Variants in CSMD1 observed in about 807,000 individuals in gnomAD.
The protein encoded by CSMD1 is CUB and Sushi multiple domains 1, also known as CUB and sushi domain-containing protein 1.
A neutral mutation model predicts 417.5 loss-of-function variants in CSMD1; 213 were observed. That is an observed-to-expected ratio of 0.51 (90% CI 0.46 to 0.57). The LOEUF (loss-of-function observed/expected upper bound fraction) is 0.57. Ranked by LOEUF, CSMD1 falls within the 20% of genes least tolerant of loss-of-function variation. The pLI, the probability that CSMD1 is intolerant of heterozygous loss-of-function variation, is 0.00. For missense variants in CSMD1, 6,923 were observed against 4,529.7 expected, an observed-to-expected ratio of 1.53 and a Z score of -15.17; for synonymous variants, 2,862 against 1,736.8, an observed-to-expected ratio of 1.65 and a Z score of -16.11.
chr8:4,830,565 A>G (rs140646291), intron 1 of CSMD1, among the ~76,000 whole-genome samples: 1 of 152,334 alleles, frequency 6.6e-6, no homozygotes, highest in East Asian at 1.9e-4. Context: ...AGACATCATA[A>G]GCCATTACAA....
intron 1 of CSMD1, among the ~76,000 whole-genome samples, chr8:4,670,151 C>G (rs1176410349): frequency 6.6e-6 from 1 of 152,172 alleles, no homozygotes; most frequent in Non-Finnish European, 1.5e-5. Flanking sequence ...AGTTTTTCAT[C>G]TCCTACACTC....
At chr8:4,967,696 T>C (rs1251584122) in intron 1 of CSMD1, among the ~76,000 whole-genome samples, 2 of 152,200 alleles carry the variant, frequency 1.3e-5, no homozygotes, top group Admixed American at 6.5e-5. Context: ...CTTCCTCAAA[T>C]GTTAATAAGT....
chr8:3,610,651 A>C (rs1427275785), intron 8 of CSMD1, among the ~76,000 whole-genome samples: 1 of 152,172 alleles, frequency 6.6e-6, no homozygotes, highest in Non-Finnish European at 1.5e-5. Context: ...AATTCAACTC[A>C]ATTTTTCTTG....
chr8:3,920,388 G>A (rs1393088216), intron 5 of CSMD1, among the ~76,000 whole-genome samples: 1 of 151,590 alleles, frequency 6.6e-6, no homozygotes, highest in African/African-American at 2.4e-5. Context: ...TGTGTGTGTG[G>A]ACACTGTAGG....
intron 7 of CSMD1, among the ~76,000 whole-genome samples, chr8:3,705,381 G>T (rs950113399): frequency 6.6e-5 from 10 of 152,182 alleles, no homozygotes; most frequent in African/African-American, 2.4e-4. Context: ...CCCACGGGCA[G>T]AATACAGGAG....
intron 11 of CSMD1, among the ~76,000 whole-genome samples, chr8:3,475,912 A>G (rs1401996411): frequency 1.3e-5 from 2 of 152,336 alleles, no homozygotes; most frequent in South Asian, 2.1e-4. Flanking sequence ...AATGACAACC[A>G]TAAGATACAG....
intron 5 of CSMD1, among the ~76,000 whole-genome samples, chr8:3,843,900 T>C (rs963370930): frequency 1.3e-5 from 2 of 152,156 alleles, no homozygotes; most frequent in Non-Finnish European, 2.9e-5. Flanking sequence ...TAACGTAATT[T>C]ACACCCAGCA....
At chr8:3,658,522 C>T (rs898942449) in intron 7 of CSMD1, among the ~76,000 whole-genome samples, 3 of 149,318 alleles carry the variant, frequency 2.0e-5, no homozygotes, top group Non-Finnish European at 4.4e-5. Flanking sequence ...GTGTCTCATG[C>T]CTGTAATCCC....
intron 41 of CSMD1, among the ~76,000 whole-genome samples, chr8:3,139,891 T>G (rs1004399710): frequency 2.1e-5 from 3 of 145,858 alleles, no homozygotes; most frequent in African/African-American, 7.4e-5. Flanking sequence ...CTTTCTTTTT[T>G]CTTTTCTTTC....
chr8:4,223,787 A>G (rs1801185889), intron 3 of CSMD1, among the ~76,000 whole-genome samples: 1 of 152,238 alleles, frequency 6.6e-6, no homozygotes, highest in Admixed American at 6.5e-5. Context: ...ATGCAAATTA[A>G]AAAGCCCCTT....
intron 1 of CSMD1, among the ~76,000 whole-genome samples, chr8:4,672,213 GCT>G (rs1487173021): frequency 6.6e-6 from 1 of 152,178 alleles, no homozygotes; most frequent in Non-Finnish European, 1.5e-5. Flanking sequence ...GACAATGGCA[GCT>G]GCAGAGAAGG....
At position 3,649,008 on chromosome 8, in the gene CSMD1, G is replaced by C. The variant is rs117608703; in HGVS notation, c.1010-32211C>G. On this transcript the variant is annotated intron_variant, in intron 7 of 69. Coordinates refer to ENST00000635120, the MANE Select transcript of CSMD1 (RefSeq NM_033225.6). ...ATTCTCTTTGCGTCCAGCTTTTAAG[G>C]TATGTACTGTCCAAGGTCACAGAGT... is the stretch of plus-strand genomic sequence containing the variant. Among the ~76,000 whole-genome samples, 342 of 152,202 alleles carry C rather than the reference G, an allele frequency of 2.2e-3. 2 individuals carry two copies. The East Asian group carries it at 0.051, about 23-fold the overall frequency.
At chr8:4,619,181 G>A (rs183366370) in intron 2 of CSMD1, among the ~76,000 whole-genome samples, 25 of 152,168 alleles carry the variant, frequency 1.6e-4, no homozygotes, top group Admixed American at 5.9e-4. Context: ...TTTTAAGGGT[G>A]GTGGGCAGAA....
rs1195539567 is a variant in CSMD1 at position 3,114,729 on chromosome 8, A to G, written c.6430+3670T>C. 4.6e-5 allele frequency among the ~76,000 whole-genome samples: 7 copies of G among 152,120 alleles called. 1 individual carries two copies. Among genetic ancestry groups the G allele is most frequent in the Admixed American group, 3.3e-4 (5 of 15,274 alleles). ...TTCTTTATAGTTATTTTTATTCTCT[A>G]TTATTGGGAAAGATTATTTTCTGTA... On this transcript the variant is annotated intron_variant, in intron 42 of 69. Coordinates refer to ENST00000635120, the MANE Select transcript of CSMD1 (RefSeq NM_033225.6).
chr8:4,877,774 AG>A (rs1436271792), intron 1 of CSMD1, among the ~76,000 whole-genome samples: 1 of 152,134 alleles, frequency 6.6e-6, no homozygotes, highest in Non-Finnish European at 1.5e-5. Flanking sequence ...GCCTGTAAAA[AG>A]TACAGTCCTA....
chr8:4,775,209 G>A (rs996819424), intron 1 of CSMD1, among the ~76,000 whole-genome samples: 5 of 152,058 alleles, frequency 3.3e-5, no homozygotes, highest in South Asian at 2.1e-4. Context: ...TTTTCTGATT[G>A]TAGGACATAT....
intron 3 of CSMD1, among the ~76,000 whole-genome samples, chr8:4,400,213 C>T (rs1236792913): frequency 6.6e-6 from 1 of 152,144 alleles, no homozygotes; most frequent in African/African-American, 2.4e-5. Flanking sequence ...TTGAAGCAAG[C>T]TTGGAAGTTG....
chr8:3,265,030 T>A (rs982933317), intron 26 of CSMD1, among the ~76,000 whole-genome samples: 1 of 152,138 alleles, frequency 6.6e-6, no homozygotes, highest in East Asian at 1.9e-4. Flanking sequence ...TTAAATTATA[T>A]GGGAAAAGCA....
At chr8:4,543,906 T>A (rs973729722) in intron 2 of CSMD1, among the ~76,000 whole-genome samples, 2 of 152,152 alleles carry the variant, frequency 1.3e-5, no homozygotes, top group Admixed American at 1.3e-4. Flanking sequence ...CCTTTTCATA[T>A]GATAATTTGA....
Sources: gnomAD v4.1 joint callset for allele counts (sites outside exome capture counted in the v4.1 genomes callset) on GRCh38, gnomAD v4.1.1 for gene constraint, MANE v1.5 for transcripts, NCBI Gene and HGNC (gene_info 2026-07-23, HGNC 2026-07-21) for gene names.